ITFG1: variants seen among roughly 807,000 people sequenced by gnomAD.
ITFG1 encodes the protein integrin alpha FG-GAP repeat containing 1, also known as T-cell immunomodulatory protein.
A neutral mutation model predicts 81.8 loss-of-function variants in ITFG1; 34 were observed. The observed-to-expected ratio is 0.42, with a 90% CI of 0.32 to 0.55. The LOEUF (loss-of-function observed/expected upper bound fraction) is 0.55, where lower values mean the gene tolerates loss of function less well. Ranked by LOEUF, ITFG1 falls within the 20% of genes least tolerant of loss-of-function variation. ITFG1 has a pLI of 0.17. For synonymous variants in ITFG1, 285 were observed against 270.6 expected (o/e 1.05, Z -0.52); for missense variants, 672 against 755.4 (o/e 0.89, Z 1.29).
rs530484618 is a variant in ITFG1, at chr16:47,170,643, C to T, written c.1454-7979G>A. ...CAGGGTTTCACCATGTTGGCCAGGCCGATCTCAAACTCCTGACCTTAGGTG... is the reference window on the plus strand; with the variant it reads ...CAGGGTTTCACCATGTTGGCCAGGCTGATCTCAAACTCCTGACCTTAGGTG... On this transcript the variant is annotated intron_variant, in intron 14 of 17. Transcript: ENST00000320640. Among the ~76,000 whole-genome samples the T allele has an allele frequency of 8.2e-5, 12 of 146,212 alleles. No individual in the cohort carries two copies. The East Asian group carries it at 1.2e-3, about 15-fold the overall frequency.
intron 8 of ITFG1, among the ~76,000 whole-genome samples, chr16:47,342,740 A>G (rs1003688126): frequency 6.6e-6 from 1 of 152,168 alleles, no homozygotes; most frequent in Non-Finnish European, 1.5e-5. Context: ...AAAATTTAGC[A>G]AGCAATTTCA....
chr16:47,204,041 T>C (rs967725254), intron 14 of ITFG1, among the ~76,000 whole-genome samples: 4 of 152,252 alleles, frequency 2.6e-5, no homozygotes, highest in Non-Finnish European at 4.4e-5. Context: ...TATGTTTATA[T>C]GTATTTCACC....
chr16:47,378,403 G>A (rs958414550), intron 6 of ITFG1, among the ~76,000 whole-genome samples: 4 of 152,226 alleles, frequency 2.6e-5, no homozygotes, highest in African/African-American at 9.6e-5. Context: ...GGTTAAGGGG[G>A]ATAGTTAGAG....
intron 14 of ITFG1, among the ~76,000 whole-genome samples, chr16:47,205,040 A>G (rs1459280445): frequency 6.6e-6 from 1 of 152,248 alleles, no homozygotes; most frequent in Non-Finnish European, 1.5e-5. Context: ...TTACAATGCC[A>G]CATGATGCCT....
chr16:47,418,618 C>A (rs901240800), intron 6 of ITFG1, among the ~76,000 whole-genome samples: 13 of 152,118 alleles, frequency 8.5e-5, no homozygotes, highest in Non-Finnish European at 1.5e-4. Flanking sequence ...GTTTTCCCAG[C>A]ACTATTTATT....
intron 14 of ITFG1, among the ~76,000 whole-genome samples, chr16:47,217,867 G>C (rs1567426504): frequency 6.6e-6 from 1 of 152,248 alleles, no homozygotes; most frequent in African/African-American, 2.4e-5. Context: ...GGAGCTTGCA[G>C]TGAGCTGAGA....
intron 8 of ITFG1, among the ~76,000 whole-genome samples, chr16:47,357,267 A>G (rs1224864702): frequency 6.6e-6 from 1 of 152,172 alleles, no homozygotes; most frequent in African/African-American, 2.4e-5. Flanking sequence ...TAAGTATGCT[A>G]AATTTAATAT....
intron 8 of ITFG1, among the ~76,000 whole-genome samples, chr16:47,329,034 C>T (rs1270162647): frequency 2.6e-5 from 4 of 152,042 alleles, no homozygotes; most frequent in East Asian, 1.9e-4. Context: ...TAAAAATCCA[C>T]GCTTAAGGCA....
chr16:47,443,249 C>G (rs1168187019), intron 5 of ITFG1, among the ~76,000 whole-genome samples: 4 of 152,146 alleles, frequency 2.6e-5, no homozygotes, highest in Non-Finnish European at 5.9e-5. Context: ...CAGGAAACAA[C>G]AGGTGCTGGA....
chr16:47,249,253 T>C (rs1280780505), intron 12 of ITFG1, among the ~76,000 whole-genome samples: 1 of 152,062 alleles, frequency 6.6e-6, no homozygotes, highest in African/African-American at 2.4e-5. Flanking sequence ...CCCCCATCTC[T>C]ACTAAAAATA....
intron 10 of ITFG1, among the ~76,000 whole-genome samples, chr16:47,303,740 A>G (rs1176971113): frequency 6.6e-6 from 1 of 152,122 alleles, no homozygotes; most frequent in Non-Finnish European, 1.5e-5. Flanking sequence ...CCTCCTACTC[A>G]GGCCTCCTGA....
chr16:47,306,070 C>T (rs1055748257), intron 10 of ITFG1, among the ~76,000 whole-genome samples: 3 of 152,086 alleles, frequency 2.0e-5, no homozygotes, highest in Non-Finnish European at 4.4e-5. Flanking sequence ...TCCTAAAATA[C>T]TTGCCTTACA....
In ITFG1 at chr16:47,238,020, T is replaced by A; in HGVS notation, c.1331-12A>T. The A allele has an allele frequency of 6.9e-7, 1 of 1,447,046 alleles. No individual in the cohort carries two copies. The highest frequency in any genetic ancestry group is 2.5e-5 in the East Asian group (1 of 39,936). The allele number at this position is 1,447,046 out of a possible 1,614,324, so 89.6% of individuals were successfully genotyped here. A position where few individuals can be genotyped will look rare whatever the true frequency, so the allele number is the denominator to read the frequency against. On this transcript the variant is annotated splice_polypyrimidine_tract_variant and intron_variant, in intron 12 of 17. Coordinates refer to ENST00000320640, the MANE Select transcript of ITFG1 (RefSeq NM_030790.5). The stretch of plus-strand genomic sequence containing the variant: ...CAGACCACTAAGAACTGTGGAAAAA[T>A]AAACAGGCAATTATTACTATTATAA...
intron 7 of ITFG1, among the ~76,000 whole-genome samples, chr16:47,375,160 A>G (rs1205268702): frequency 2.0e-5 from 3 of 152,194 alleles, no homozygotes; most frequent in Non-Finnish European, 2.9e-5. Context: ...GATCCTGTGA[A>G]GCAGAGGCTC....
intron 7 of ITFG1, among the ~76,000 whole-genome samples, chr16:47,368,182 C>T (rs1174559325): frequency 1.3e-5 from 2 of 149,366 alleles, no homozygotes; most frequent in East Asian, 2.0e-4. Context: ...TGCAGTAAGC[C>T]GAGATTGCAC....
intron 8 of ITFG1, among the ~76,000 whole-genome samples, chr16:47,334,180 G>A (rs1266129673): frequency 6.6e-6 from 1 of 152,134 alleles, no homozygotes; most frequent in Non-Finnish European, 1.5e-5. Context: ...TGGGTGCAGC[G>A]GTTCATATCT....
intron 10 of ITFG1, among the ~76,000 whole-genome samples, chr16:47,308,080 C>T (rs1425869674): frequency 6.6e-6 from 1 of 152,202 alleles, no homozygotes; most frequent in Non-Finnish European, 1.5e-5. Flanking sequence ...CATATCTCTG[C>T]TATTGTGAAT....
At chr16:47,358,679 T>C (rs1164946773) in intron 8 of ITFG1, among the ~76,000 whole-genome samples, 1 of 152,226 alleles carries the variant, frequency 6.6e-6, no homozygotes, top group Non-Finnish European at 1.5e-5. Context: ...TAAACTTAAT[T>C]CTTAAAAACC....
At chr16:47,324,593 T>A (rs1458636893) in intron 8 of ITFG1, among the ~76,000 whole-genome samples, 1 of 152,124 alleles carries the variant, frequency 6.6e-6, no homozygotes, top group Non-Finnish European at 1.5e-5. Flanking sequence ...AGGAAACTCA[T>A]CTCATGTGCA....
Sources: allele counts gnomAD v4.1 joint callset (sites outside exome capture counted in the v4.1 genomes callset), GRCh38; gene constraint gnomAD v4.1.1; transcripts MANE v1.5; gene names NCBI Gene and HGNC (gene_info 2026-07-23, HGNC 2026-07-21).